The following TIGAR variants were observed in gnomAD, a reference collection of about 807,000 sequenced individuals.
TIGAR encodes fructose-2,6-bisphosphatase TIGAR.
In TIGAR, 7 loss-of-function variants were observed where a neutral mutation model predicts 17.9. The observed-to-expected ratio is 0.39, with a 90% confidence interval of 0.22 to 0.73. The LOEUF (loss-of-function observed/expected upper bound fraction) is 0.73, where lower values mean the gene tolerates loss of function less well. Among genes scored for constraint, TIGAR ranks in the 30% least tolerant of loss-of-function variants. The probability of loss-of-function intolerance (pLI) is 0.42; values close to 1 mark genes in which losing one functional copy is unlikely to be tolerated. For missense variants in TIGAR, 258 were observed against 327.4 expected (o/e 0.79, Z 1.64); for synonymous variants, 94 against 108.6 (o/e 0.87, Z 0.84).
intron 3 of TIGAR, among the ~76,000 whole-genome samples, chr12:4,343,727 G>A (rs1275034435): frequency 2.0e-5 from 3 of 152,230 alleles, no homozygotes; most frequent in Non-Finnish European, 4.4e-5. Flanking sequence ...CACATTTAAA[G>A]CAGTGTGTAG....
At chr12:4,333,089 C>T (rs927874302) in intron 2 of TIGAR, among the ~76,000 whole-genome samples, 7 of 152,102 alleles carry the variant, frequency 4.6e-5, no homozygotes, top group African/African-American at 1.7e-4. Context: ...ATAGTGGTCC[C>T]CAAATCCTTA....
At position 4,353,870 on chromosome 12, in the gene TIGAR, G is replaced by GT. The variant is rs956818394; in HGVS notation, c.*1179_*1180insT. 1 of 151,900 alleles carries GT rather than the reference G, an allele frequency of 6.6e-6. No homozygotes were observed. Among genetic ancestry groups the GT allele is most frequent in the African/African-American group, 2.4e-5 (1 of 41,236 alleles). 9.4% of individuals were successfully genotyped at this position (151,900 alleles called of 1,614,324 possible). A position where few individuals can be genotyped will look rare whatever the true frequency, so the allele number is the denominator to read the frequency against. ...CAGGGAAGGCGGGGTGGTTGGGGGG[G>GT]AGAGAATGTTGCTCTGATAACCACA... On this transcript the variant is annotated 3_prime_UTR_variant, in exon 6 of 6. Transcript: ENST00000179259.
intron 3 of TIGAR, among the ~76,000 whole-genome samples, chr12:4,349,228 C>T (rs1864812014): frequency 6.6e-6 from 1 of 152,142 alleles, no homozygotes; most frequent in Non-Finnish European, 1.5e-5. Context: ...ATCAACTGTG[C>T]ATGAATGAAT....
intron 2 of TIGAR, among the ~76,000 whole-genome samples, chr12:4,334,918 T>C (rs1864641865): frequency 6.6e-6 from 1 of 152,242 alleles, no homozygotes; most frequent in South Asian, 2.1e-4. Flanking sequence ...TTCTTTAGTT[T>C]CTCATAATAT....
intron 3 of TIGAR, among the ~76,000 whole-genome samples, chr12:4,346,780 A>T (rs1168375603): frequency 1.3e-5 from 2 of 152,062 alleles, no homozygotes; most frequent in Non-Finnish European, 2.9e-5. Context: ...AAAAAAAATG[A>T]CAAAGAGACA....
At chr12:4,350,213 A>G (rs1371384445) in intron 4 of TIGAR, among the ~76,000 whole-genome samples, 1 of 152,262 alleles carries the variant, frequency 6.6e-6, no homozygotes, top group Admixed American at 6.5e-5. Flanking sequence ...GCTGATGGAA[A>G]GCTAGATTTT....
chr12:4,329,177 C>T (rs1022719876), intron 1 of TIGAR, among the ~76,000 whole-genome samples: 7 of 152,044 alleles, frequency 4.6e-5, no homozygotes, highest in Non-Finnish European at 8.8e-5. Context: ...CTTTAAAGGA[C>T]ACATTTACAT....
At chr12:4,343,598 T>C (rs1413467950) in intron 3 of TIGAR, among the ~76,000 whole-genome samples, 1 of 152,180 alleles carries the variant, frequency 6.6e-6, no homozygotes, top group Non-Finnish European at 1.5e-5. Flanking sequence ...CTCAACTACA[T>C]GGAAACTGAA....
chr12:4,339,486 C>T (rs902339912), intron 3 of TIGAR, among the ~76,000 whole-genome samples: 3 of 152,168 alleles, frequency 2.0e-5, no homozygotes, highest in Non-Finnish European at 4.4e-5. Context: ...GTACTAATAC[C>T]AATCCTACTG....
chr12:4,357,256 A>G lies in TIGAR; in HGVS notation c.*4565A>G, dbSNP rs1864914555. Among the ~76,000 whole-genome samples, 1 of 152,236 alleles carries G rather than the reference A, an allele frequency of 6.6e-6. No homozygotes were observed. Among genetic ancestry groups the G allele is most frequent in the Non-Finnish European group, 1.5e-5 (1 of 68,034 alleles). ...AAGTAGATGAATTCGTGTAAGTTAA[A>G]TGGTTCTATTATATGTCTTCACTAT... is the stretch of plus-strand genomic sequence containing the variant. On this transcript the variant is annotated 3_prime_UTR_variant, in exon 6 of 6. Transcript: ENST00000179259.
chr12:4,350,454 C>G (rs1312666362), intron 4 of TIGAR, among the ~76,000 whole-genome samples: 1 of 152,082 alleles, frequency 6.6e-6, no homozygotes, highest in Admixed American at 6.5e-5. Flanking sequence ...TTATTAGACT[C>G]TGTGATTTTC....
rs1378946369 is a variant in TIGAR at position 4,357,841 on chromosome 12, C to T, written c.*5150C>T. Among the ~76,000 whole-genome samples the T allele has an allele frequency of 2.0e-5, 3 of 150,600 alleles. No individual in the cohort carries two copies. The highest frequency in any genetic ancestry group is 4.5e-5 in the Non-Finnish European group (3 of 66,862). The stretch of plus-strand genomic sequence containing the variant: ...TGAGGTGGCTGGGCGTGGTGGCTCG[C>T]ACCTGTAATCCCAGCACTTTGGGAG... On this transcript the variant is annotated 3_prime_UTR_variant, in exon 6 of 6. Transcript: ENST00000179259.
At chr12:4,327,747 A>T (rs1333390128) in intron 1 of TIGAR, among the ~76,000 whole-genome samples, 2 of 152,206 alleles carry the variant, frequency 1.3e-5, no homozygotes, top group Admixed American at 6.5e-5. Context: ...GGCTCACTGC[A>T]GCCTCCGCCT....
intron 3 of TIGAR, among the ~76,000 whole-genome samples, chr12:4,337,995 G>T (rs1864679101): frequency 6.6e-6 from 1 of 152,104 alleles, no homozygotes; most frequent in Non-Finnish European, 1.5e-5. Context: ...GCCAGGTGTG[G>T]TGGCGTGCAC....
intron 1 of TIGAR, chr12:4,324,679 T>TGCGTGCCA: frequency 9.6e-7 from 1 of 1,039,374 alleles, no homozygotes; most frequent in Non-Finnish European, 1.5e-6. Flanking sequence ...CGGGTTCACT[T>TGCGTGCCA]GCGGCCGCTG....
intron 1 of TIGAR, among the ~76,000 whole-genome samples, chr12:4,322,060 A>G (rs1204997183): frequency 5.3e-5 from 8 of 151,736 alleles, no homozygotes; most frequent in African/African-American, 1.7e-4. Flanking sequence ...CAGTGGCGCT[A>G]TCTCTGCTCA....
At chr12:4,341,831 C>T (rs1421761735) in intron 3 of TIGAR, among the ~76,000 whole-genome samples, 1 of 152,182 alleles carries the variant, frequency 6.6e-6, no homozygotes, top group East Asian at 1.9e-4. Flanking sequence ...AATCAGAGCG[C>T]CTCTCCTCCA....
intron 3 of TIGAR, among the ~76,000 whole-genome samples, chr12:4,349,154 TTTATAG>T: frequency 6.6e-6 from 1 of 152,244 alleles, no homozygotes; most frequent in Middle Eastern, 3.4e-3. Context: ...TTTTTTAGGG[TTTATAG>T]TCTATACAGT....
At position 4,355,395 on chromosome 12, in the gene TIGAR, ATACT is replaced by A. The variant is rs1284767606; in HGVS notation, c.*2707_*2710del. The stretch of plus-strand genomic sequence containing the variant: ...ATCTGTGTATTTCCTTATCAGTGTC[ATACT>A]TAGTTACTGTGGCTTTGCAGCTGAC... On this transcript the variant is annotated 3_prime_UTR_variant, in exon 6 of 6. Coordinates refer to ENST00000179259, the MANE Select transcript of TIGAR (RefSeq NM_020375.3). Among the ~76,000 whole-genome samples, 1 of 152,094 alleles carries A rather than the reference ATACT, an allele frequency of 6.6e-6. No homozygotes were observed. The highest frequency in any genetic ancestry group is 2.4e-5 in the African/African-American group (1 of 41,418).
Sources: allele counts gnomAD v4.1 joint callset (sites outside exome capture counted in the v4.1 genomes callset), GRCh38; gene constraint gnomAD v4.1.1; transcripts MANE v1.5; gene names NCBI Gene and HGNC (gene_info 2026-07-23, HGNC 2026-07-21).